Variants in USP13 observed in about 807,000 individuals in gnomAD.
USP13 encodes ubiquitin carboxyl-terminal hydrolase 13.
USP13 carries 68 observed loss-of-function variants against 107.8 expected under a neutral mutation model. That is an observed-to-expected ratio of 0.63 (90% confidence interval 0.52 to 0.77). The LOEUF (loss-of-function observed/expected upper bound fraction) is 0.77. Among genes scored for constraint, USP13 ranks in the 30% least tolerant of loss-of-function variants. The probability of loss-of-function intolerance (pLI) is 0.00; values close to 1 mark genes in which losing one functional copy is unlikely to be tolerated. For missense variants in USP13, 945 were observed against 1,093.3 expected (o/e 0.86, Z 1.91); for synonymous variants, 377 against 389.5 (o/e 0.97, Z 0.38).
At chr3:179,670,359 G>A (rs976075770) in intron 1 of USP13, among the ~76,000 whole-genome samples, 1 of 152,126 alleles carries the variant, frequency 6.6e-6, no homozygotes, top group Non-Finnish European at 1.5e-5. Flanking sequence ...TGCATTGAGG[G>A]ACTGAACACA....
intron 17 of USP13, among the ~76,000 whole-genome samples, chr3:179,763,090 A>C (rs1322021625): frequency 6.6e-6 from 1 of 152,178 alleles, no homozygotes; most frequent in African/African-American, 2.4e-5. Flanking sequence ...TTTATTATTG[A>C]GTTCTAAGAG....
chr3:179,761,055 A>T (rs879292701), intron 16 of USP13, 57 bp from the exon 17 acceptor site: 24 of 1,606,570 alleles, frequency 1.5e-5, no homozygotes, highest in Non-Finnish European at 2.0e-5. Flanking sequence ...GAGAGTAGCT[A>T]AGACAAGAAG....
intron 8 of USP13, among the ~76,000 whole-genome samples, chr3:179,724,673 A>G (rs780193068): frequency 6.6e-6 from 1 of 152,232 alleles, no homozygotes; most frequent in Non-Finnish European, 1.5e-5. Context: ...AAACTGGTAT[A>G]CAAATGGAAT....
At chr3:179,779,755 GAAA>G (rs1329925966) in intron 19 of USP13, among the ~76,000 whole-genome samples, 1 of 144,620 alleles carries the variant, frequency 6.9e-6, no homozygotes, top group Non-Finnish European at 1.5e-5. Flanking sequence ...AAAAAAGAAA[GAAA>G]AAAAACCACT....
chr3:179,721,646 C>T lies in USP13; in HGVS notation c.1088+57C>T, dbSNP rs955829276. 1.3e-6 allele frequency: 2 copies of T among 1,558,018 alleles called. No homozygotes were observed. The highest frequency in any genetic ancestry group is 1.7e-6 in the Non-Finnish European group (2 of 1,147,250). On this transcript the variant is annotated intron_variant, in intron 8 of 20. Coordinates refer to ENST00000263966, the MANE Select transcript of USP13 (RefSeq NM_003940.3). This position sits in a 1 kb window ranked among gnomAD's most constrained non-coding sequence, Gnocchi z 4.3. Reference sequence around the variant, plus strand: ...GGCACCTCCCTGCCCCATCTAGGTCCAGTCCACTCAGTGTGCGCTGCGAAG... The same window carrying T: ...GGCACCTCCCTGCCCCATCTAGGTCTAGTCCACTCAGTGTGCGCTGCGAAG...
At chr3:179,701,563 T>C (rs1222230756) in intron 4 of USP13, among the ~76,000 whole-genome samples, 2 of 152,200 alleles carry the variant, frequency 1.3e-5, no homozygotes. Context: ...AACATTTTGT[T>C]TGGAAAAAAA....
Position 179,740,270 on chromosome 3 carries a change from G to A in USP13, c.1278G>A (p.Pro426=), listed in dbSNP as rs752004873. 2.2e-5 allele frequency: 35 copies of A among 1,613,988 alleles called. No individual in the cohort carries two copies. The highest frequency in any genetic ancestry group is 6.7e-5 in the East Asian group (3 of 44,878). Residue 426 remains proline (P), a synonymous_variant, in exon 11 of 21, where the codon CCG becomes CCA. Transcript: ENST00000263966. ...AGCCACAGCAGAACGGGATCTCTCCGCGCATGTTTAAGGCCTTTGTAAGCA... is the reference window on the plus strand; with the variant it reads ...AGCCACAGCAGAACGGGATCTCTCCACGCATGTTTAAGGCCTTTGTAAGCA... ...EHKPQQNGIS[P]RMFKAFVSKS... is the part of the protein sequence containing the mutation.
At position 179,654,205 on chromosome 3, in the gene USP13, C is replaced by T. The variant is rs1416681255; in HGVS notation, c.168+812C>T. Among the ~76,000 whole-genome samples the T allele has an allele frequency of 2.6e-5, 3 of 113,516 alleles. No individual in the cohort carries two copies. The Admixed American group carries it at 2.7e-4, about 10-fold the overall frequency. 74.5% of individuals were successfully genotyped at this position (113,516 alleles called of 152,430 possible). ...CTCCAGCCTGGGCGACAGAGCGAGA[C>T]TCCGTCTCAAAAAAAAAAAAAAAAA... On this transcript the variant is annotated intron_variant, in intron 1 of 20. Coordinates refer to ENST00000263966, the MANE Select transcript of USP13 (RefSeq NM_003940.3).
chr3:179,781,819 G>A lies in USP13; in HGVS notation c.2494G>A (p.Gly832Arg). The A allele has an allele frequency of 6.2e-7, 1 of 1,613,636 alleles. No individual in the cohort carries two copies. Among genetic ancestry groups the A allele is most frequent in the East Asian group, 2.2e-5 (1 of 44,860 alleles). Residue 832 changes from glycine (G) to arginine (R), a missense_variant, in exon 20 of 21, where the codon GGA (glycine) becomes AGA (arginine). Physicochemically the swap from Gly to Arg is moderately radical, Grantham distance 125 (BLOSUM62 -2). Transcript: ENST00000263966. ...TTACATTTGCCATATCAAAAAGGAA[G>A]GAAGGTGAGTCATTTTTAGAAGGTA... is the stretch of plus-strand genomic sequence containing the variant. ...GHYICHIKKEGRWVIYNDHKV... is the reference protein window; with the variant it reads ...GHYICHIKKERRWVIYNDHKV...
intron 19 of USP13, among the ~76,000 whole-genome samples, chr3:179,777,731 G>A (rs1385968746): frequency 6.6e-6 from 1 of 152,038 alleles, no homozygotes; most frequent in Non-Finnish European, 1.5e-5. Flanking sequence ...GATTACAGGC[G>A]TTTGCCACCA....
At chr3:179,776,669 T>C (rs1715549449) in intron 19 of USP13, among the ~76,000 whole-genome samples, 1 of 152,196 alleles carries the variant, frequency 6.6e-6, no homozygotes, top group South Asian at 2.1e-4. Context: ...TTTTGTCTAA[T>C]TCTTCCAGGT....
chr3:179,662,614 G>C (rs1376480586), intron 1 of USP13, among the ~76,000 whole-genome samples: 1 of 152,124 alleles, frequency 6.6e-6, no homozygotes, highest in East Asian at 1.9e-4. Context: ...GGATGTCTTT[G>C]TGTCATTTGC....
At chr3:179,777,953 T>C (rs1339723929) in intron 19 of USP13, among the ~76,000 whole-genome samples, 1 of 152,166 alleles carries the variant, frequency 6.6e-6, no homozygotes, top group African/African-American at 2.4e-5. Context: ...GGGTTCTTAG[T>C]GTGGGAGACA....
chr3:179,739,574 T>C (rs1327823835), intron 10 of USP13, among the ~76,000 whole-genome samples: 6 of 152,194 alleles, frequency 3.9e-5, no homozygotes, highest in Admixed American at 3.3e-4. Context: ...ATTTATTTAT[T>C]GAGATGGAGT....
rs557058584 is a variant in USP13 at position 179,757,169 on chromosome 3, C to A, written c.1948+91C>A. On this transcript the variant is annotated intron_variant, in intron 16 of 20. Coordinates refer to ENST00000263966, the MANE Select transcript of USP13 (RefSeq NM_003940.3). ...GAAAGTTCAGTAAAGAGGCATTGTT[C>A]TGTACGTGTGTGTGTGCAGCTTTTC... is the stretch of plus-strand genomic sequence containing the variant. 16 of 1,435,630 alleles carry A rather than the reference C, an allele frequency of 1.1e-5. No homozygotes were observed. The African/African-American group carries it at 2.0e-4, about 18-fold the overall frequency. 88.9% of individuals were successfully genotyped at this position (1,435,630 alleles called of 1,614,324 possible).
chr3:179,752,211 T>A (rs1452267253), intron 13 of USP13, 74 bp from the exon 14 acceptor site: 20 of 1,382,268 alleles, frequency 1.4e-5, no homozygotes, highest in Admixed American at 1.2e-4. Flanking sequence ...TCAGACAAAG[T>A]TGATATGCTT....
At position 179,742,244 on chromosome 3, in the gene USP13, G is replaced by A. The variant is rs761154344; in HGVS notation, c.1428G>A (p.Leu476=). The change falls in exon 12 of 21, where the codon TTG becomes TTA. Residue 476 remains leucine (L), a synonymous_variant. Transcript: ENST00000263966. The surrounding 1 kb of genome is among the most constrained non-coding windows in gnomAD (Gnocchi z 5.0). ...SENPSDVFRF[L]VEERIQCCQT... ...ACCCAAGCGATGTTTTTCGTTTTTT[G>A]GTGGAAGAACGCATTCAGTGCTGTC... 6.2e-7 allele frequency: 1 copy of A among 1,614,140 alleles called. No homozygotes were observed. The highest frequency in any genetic ancestry group is 8.5e-7 in the Non-Finnish European group (1 of 1,180,020).
chr3:179,770,609 ATT>A (rs34708974), intron 19 of USP13, among the ~76,000 whole-genome samples: 4 of 145,876 alleles, frequency 2.7e-5, no homozygotes, highest in African/African-American at 2.5e-5. Context: ...TGACTTGAGA[ATT>A]TTTTTTTTTT....
At chr3:179,707,276 T>C (rs1038190642) in intron 5 of USP13, among the ~76,000 whole-genome samples, 200 bp downstream of exon 5, 2 of 152,216 alleles carry the variant, frequency 1.3e-5, no homozygotes, top group Non-Finnish European at 2.9e-5. Flanking sequence ...CCCTAAGCCC[T>C]TCCCTGCCCT....
Sources: gnomAD v4.1 joint callset for allele counts (sites outside exome capture counted in the v4.1 genomes callset) on GRCh38, gnomAD v4.1.1 for gene constraint, Gnocchi (gnomAD v3.1) non-coding constraint, MANE v1.5 for transcripts, NCBI Gene and HGNC (gene_info 2026-07-23, HGNC 2026-07-21) for gene names.